The following RPGRIP1L variants were observed in gnomAD, a reference collection of about 807,000 sequenced individuals.
RPGRIP1L encodes RPGRIP1 like, also known as protein fantom.
In RPGRIP1L, 131 loss-of-function variants were observed where a neutral mutation model predicts 160.4. That is an observed-to-expected ratio of 0.82 (90% CI 0.71 to 0.94). RPGRIP1L has a LOEUF of 0.94. RPGRIP1L is among the 40% of genes least tolerant of loss of function. RPGRIP1L has a pLI of 0.00. For synonymous variants in RPGRIP1L, 510 were observed against 515.8 expected (o/e 0.99, Z 0.15); for missense variants, 1,522 against 1,535.8 (o/e 0.99, Z 0.15).
chr16:53,635,762 T>C (rs1039556271), intron 22 of RPGRIP1L: 1 of 152,168 alleles, frequency 6.6e-6, no homozygotes, highest in Non-Finnish European at 1.5e-5. Flanking sequence ...CATAGATGAA[T>C]AGAAAAAGCT....
rs190706759 is a variant in RPGRIP1L, at chr16:53,622,351, G to A, written c.3300C>T (p.Leu1100=). ...GPISKNIKQS[L]ALSPGLGCSS... ...TGCACCCCAGCCCGGGAGACAATGC[G>A]AGACTCTGTCTCAAAAAAAAAAAAA... The change falls in exon 23 of 27, where the codon CTC becomes CTT. Residue 1100 remains leucine, a synonymous_variant. Coordinates refer to ENST00000647211, the MANE Select transcript of RPGRIP1L (RefSeq NM_015272.5). 2.4e-4 allele frequency: 145 copies of A among 605,252 alleles called. No homozygotes were observed. In the African/African-American group the frequency reaches 2.4e-3, roughly 10 times the overall value. The allele number at this position is 605,252 out of a possible 1,614,324, so 37.5% of individuals were successfully genotyped here.
At chr16:53,695,207 C>T (rs767784263) in intron 3 of RPGRIP1L, 39 of 618,528 alleles carry the variant, frequency 6.3e-5, no homozygotes, top group Admixed American at 1.1e-4. Flanking sequence ...AGACTACATG[C>T]CTCATTCTGA....
At chr16:53,654,555 T>C (rs765373823) in intron 14 of RPGRIP1L, among the ~76,000 whole-genome samples, 21 of 152,206 alleles carry the variant, frequency 1.4e-4, no homozygotes, top group Non-Finnish European at 2.9e-4. Context: ...TTGATACCTT[T>C]AGATTTTCTT....
At chr16:53,649,157 C>T (rs947389432) in intron 15 of RPGRIP1L, 42 bp from the exon 16 acceptor site, 5 of 1,554,744 alleles carry the variant, frequency 3.2e-6, no homozygotes, top group Non-Finnish European at 4.4e-6. Flanking sequence ...TAGTTTCATA[C>T]ATTAAAATAG....
chr16:53,687,815 A>T (rs1329174808), intron 5 of RPGRIP1L, 48 bp downstream of exon 5: 1 of 1,134,504 alleles, frequency 8.8e-7, no homozygotes, highest in South Asian at 1.2e-5. Context: ...AAAAAAAGAC[A>T]TTATCAATAA....
In RPGRIP1L at chr16:53,605,158, G is replaced by A. The variant is rs11862484; in HGVS notation, c.3835+323C>T. On this transcript the variant is annotated intron_variant, in intron 26 of 26. Transcript: ENST00000647211. ...ACTGCACTCCAACTTGGGTGACAGA[G>A]CAAAACTCTGTCTCAGAAAAAAAAA... 7.2e-3 allele frequency among the ~76,000 whole-genome samples: 1,099 copies of A among 151,650 alleles called. 13 individuals carry two copies. Among genetic ancestry groups the A allele is most frequent in the African/African-American group, 0.025 (1,053 of 41,350 alleles).
At chr16:53,689,787 G>A (rs970921207) in intron 4 of RPGRIP1L, among the ~76,000 whole-genome samples, 4 of 152,092 alleles carry the variant, frequency 2.6e-5, no homozygotes, top group Admixed American at 6.5e-5. Context: ...TCATAAAGAC[G>A]GATTAAGAAA....
chr16:53,659,304 TATAG>T, intron 10 of RPGRIP1L: 1 of 482,758 alleles, frequency 2.1e-6, no homozygotes, highest in Non-Finnish European at 2.8e-6. Flanking sequence ...CAACTTAGCA[TATAG>T]TATTTTTATT....
intron 19 of RPGRIP1L, among the ~76,000 whole-genome samples, chr16:53,640,735 A>T (rs1379775049): frequency 6.6e-6 from 1 of 152,120 alleles, no homozygotes; most frequent in African/African-American, 2.4e-5. Flanking sequence ...TCCAAGAAAC[A>T]ATGTGAAGTG....
intron 22 of RPGRIP1L, among the ~76,000 whole-genome samples, chr16:53,633,391 T>C (rs569884946): frequency 1.1e-4 from 16 of 152,244 alleles, no homozygotes; most frequent in African/African-American, 3.1e-4. Flanking sequence ...ACAAATCCAA[T>C]GAAGAATATG....
In RPGRIP1L at chr16:53,641,376, GT is replaced by G. The variant is rs1966210623; in HGVS notation, c.2782del (p.Thr928GlnfsTer5). The G allele has an allele frequency of 6.2e-7, 1 of 1,613,896 alleles. No individual in the cohort carries two copies. Among genetic ancestry groups the G allele is most frequent in the South Asian group, 1.1e-5 (1 of 91,078 alleles). On this transcript the variant is annotated frameshift_variant, in exon 18 of 27. Coordinates refer to ENST00000647211, the MANE Select transcript of RPGRIP1L (RefSeq NM_015272.5). LOFTEE classifies it high-confidence loss of function. ...FAYLPPSGSITTEDLGNFIRS... is the reference protein window; with the variant it reads ...FAYLPPSGSIXTEDLGNFIRS... ...AATGAAATTTCCTAAGTCTTCAGTT[GT>G]TATTGATCCACTTGGTGGAAGGTAA...
intron 1 of RPGRIP1L, among the ~76,000 whole-genome samples, chr16:53,702,511 T>A (rs1420457822): frequency 6.6e-6 from 1 of 152,176 alleles, no homozygotes; most frequent in African/African-American, 2.4e-5. Context: ...ATGCTTCACT[T>A]ACATTATTCT....
chr16:53,698,619 GA>G (rs1228735789), intron 2 of RPGRIP1L, among the ~76,000 whole-genome samples: 16 of 144,634 alleles, frequency 1.1e-4, no homozygotes, highest in African/African-American at 4.1e-4. Context: ...CCCCTACTGG[GA>G]AGTGAGGAGC....
chr16:53,697,691 T>G (rs527470136), intron 2 of RPGRIP1L, among the ~76,000 whole-genome samples: 4 of 152,204 alleles, frequency 2.6e-5, no homozygotes, highest in African/African-American at 9.6e-5. Flanking sequence ...TGGAGTGCAG[T>G]GGCGTGATCT....
chr16:53,671,298 G>A (rs894557027), intron 9 of RPGRIP1L, among the ~76,000 whole-genome samples: 2 of 152,072 alleles, frequency 1.3e-5, no homozygotes, highest in African/African-American at 4.8e-5. Flanking sequence ...AAGTGATATG[G>A]TTTTCTTAGT....
chr16:53,696,501 C>T (rs538850070), intron 2 of RPGRIP1L, among the ~76,000 whole-genome samples: 2 of 152,204 alleles, frequency 1.3e-5, no homozygotes, highest in South Asian at 4.1e-4. Context: ...ACTTTATATA[C>T]AGTTTTAGGA....
At chr16:53,610,256 C>T (rs1386533690) in intron 25 of RPGRIP1L, among the ~76,000 whole-genome samples, 1 of 151,890 alleles carries the variant, frequency 6.6e-6, no homozygotes, top group Admixed American at 6.6e-5. Flanking sequence ...AAATTATATA[C>T]ATGTATTTTC....
intron 22 of RPGRIP1L, among the ~76,000 whole-genome samples, chr16:53,622,845 A>ACACACACACACACAC (rs1964827617): frequency 1.4e-5 from 2 of 147,534 alleles, no homozygotes; most frequent in African/African-American, 5.0e-5. Flanking sequence ...ACACACACAC[A>ACACACACACACACAC]AATAGCCAGG....
chr16:53,668,291 A>C (rs1968445964), intron 9 of RPGRIP1L, among the ~76,000 whole-genome samples: 1 of 152,190 alleles, frequency 6.6e-6, no homozygotes, highest in Non-Finnish European at 1.5e-5. Flanking sequence ...AACACAGAGC[A>C]TCTATGGGTG....
Sources: allele counts gnomAD v4.1 joint callset (sites outside exome capture counted in the v4.1 genomes callset), GRCh38; gene constraint gnomAD v4.1.1; transcripts MANE v1.5; gene names NCBI Gene and HGNC (gene_info 2026-07-23, HGNC 2026-07-21).